Variants in WFDC10B observed in about 807,000 individuals in gnomAD.
WFDC10B encodes WAP four-disulfide core domain 10B, also known as protein WFDC10B.
WFDC10B carries 1 observed loss-of-function variant against 2.7 expected under a neutral mutation model. The ratio of observed to expected loss-of-function variants is 0.38; its 90% confidence interval spans 0.13 to 1.79. WFDC10B has a LOEUF of 1.79. WFDC10B is among the 40% of genes most tolerant of loss of function. The pLI is 0.33. For synonymous variants in WFDC10B, 26 were observed against 32.2 expected (o/e 0.81, Z 0.65); for missense variants, 71 against 87.8 (o/e 0.81, Z 0.76).
At chr20:45,703,655 G>A (rs1984266649) in intron 2 of WFDC10B, among the ~76,000 whole-genome samples, 1 of 152,118 alleles carries the variant, frequency 6.6e-6, no homozygotes, top group Admixed American at 6.5e-5. Context: ...TGTGGGTTGT[G>A]GACTTAGGGA....
At chr20:45,687,600 A>G (rs988801077) in intron 2 of WFDC10B, among the ~76,000 whole-genome samples, 5 of 152,178 alleles carry the variant, frequency 3.3e-5, no homozygotes, top group African/African-American at 9.7e-5. Flanking sequence ...GTCTTCCACA[A>G]TGGTTGAACT....
intron 2 of WFDC10B, chr20:45,702,191 G>A (rs1345813715): frequency 3.1e-6 from 5 of 1,612,710 alleles, no homozygotes; most frequent in East Asian, 2.2e-5. Context: ...GTGCCTGGGA[G>A]TCCCAAGCAG....
chr20:45,689,168 T>A (rs1352976547), intron 2 of WFDC10B, among the ~76,000 whole-genome samples: 10 of 149,728 alleles, frequency 6.7e-5, no homozygotes, highest in South Asian at 2.1e-4. Context: ...TGGCGTTATT[T>A]CTGAGGGCTC....
chr20:45,691,286 G>T (rs1375861899), intron 2 of WFDC10B, among the ~76,000 whole-genome samples: 1 of 152,114 alleles, frequency 6.6e-6, no homozygotes, highest in Non-Finnish European at 1.5e-5. Context: ...TAGGTGTGTT[G>T]TGGTGCTGAA....
chr20:45,689,572 G>A (rs1983740592), intron 2 of WFDC10B, among the ~76,000 whole-genome samples: 1 of 152,082 alleles, frequency 6.6e-6, no homozygotes, highest in African/African-American at 2.4e-5. Context: ...TTTTAAGTTG[G>A]ATTCCTAGGT....
intron 2 of WFDC10B, among the ~76,000 whole-genome samples, chr20:45,690,297 TTC>T (rs1418454367): frequency 4.0e-5 from 6 of 151,592 alleles, no homozygotes; most frequent in Non-Finnish European, 8.8e-5. Context: ...TGGTCTAAAA[TTC>T]TCTTTTTTGG....
At chr20:45,687,206 T>A (rs377607742) in intron 2 of WFDC10B, among the ~76,000 whole-genome samples, 3 of 152,136 alleles carry the variant, frequency 2.0e-5, no homozygotes, top group African/African-American at 7.2e-5. Context: ...TGTCCATGTA[T>A]TCTCATTGTT....
intron 2 of WFDC10B, among the ~76,000 whole-genome samples, chr20:45,687,084 T>C (rs904582766): frequency 7.9e-5 from 12 of 152,166 alleles, no homozygotes; most frequent in African/African-American, 2.9e-4. Flanking sequence ...CTGTGGGGGC[T>C]TGCTGCACCT....
chr20:45,692,768 T>C (rs1368619248), intron 2 of WFDC10B, among the ~76,000 whole-genome samples: 1 of 152,154 alleles, frequency 6.6e-6, no homozygotes, highest in Non-Finnish European at 1.5e-5. Flanking sequence ...TCTTTGCCTT[T>C]GGTTTGAATT....
chr20:45,699,833 C>G (rs949955324), intron 2 of WFDC10B, among the ~76,000 whole-genome samples: 1 of 152,172 alleles, frequency 6.6e-6, no homozygotes, highest in Non-Finnish European at 1.5e-5. Context: ...CATGTGCCAC[C>G]ACGCCCATCT....
intron 2 of WFDC10B, among the ~76,000 whole-genome samples, chr20:45,703,091 AG>A (rs1484914415): frequency 1.3e-5 from 2 of 152,202 alleles, no homozygotes; most frequent in Non-Finnish European, 2.9e-5. Context: ...AGGCACAAAG[AG>A]GCTTTCTAAA....
chr20:45,702,833 C>T (rs1984221677), intron 2 of WFDC10B, among the ~76,000 whole-genome samples: 1 of 152,210 alleles, frequency 6.6e-6, no homozygotes, highest in South Asian at 2.1e-4. Flanking sequence ...TTGACCTTAA[C>T]CAATACCAAG....
intron 2 of WFDC10B, among the ~76,000 whole-genome samples, chr20:45,689,915 G>A (rs1172756851): frequency 6.6e-6 from 1 of 151,930 alleles, no homozygotes; most frequent in Non-Finnish European, 1.5e-5. Context: ...TCCCTGTCTT[G>A]TGCCAGTTTT....
At chr20:45,690,150 T>C (rs575711739) in intron 2 of WFDC10B, among the ~76,000 whole-genome samples, 45 of 152,162 alleles carry the variant, frequency 3.0e-4, no homozygotes, top group Admixed American at 2.8e-3. Context: ...ATTTATTGAT[T>C]TGCGTATATT....
At chr20:45,691,930 C>T (rs528583543) in intron 2 of WFDC10B, among the ~76,000 whole-genome samples, 7 of 152,262 alleles carry the variant, frequency 4.6e-5, no homozygotes, top group African/African-American at 1.7e-4. Flanking sequence ...TCTTCTTAGT[C>T]TCCATGGTCT....
chr20:45,684,877 T>A lies in WFDC10B; in HGVS notation c.175A>T (p.Ile59Leu), dbSNP rs767694325. ...SYFQKCETNK[I>L]CCSAFCGNIC... is the part of the protein sequence containing the mutation. ...TTCCCACAGAAGGCTGAACAGCATA[T>A]CTTATTTGTTTCACACTTTTGGAAA... The change falls in exon 4 of 4, where the codon ATA becomes TTA. Residue 59 changes from isoleucine (I) to leucine (L), a missense_variant. Transcript: ENST00000330523. The A allele has an allele frequency of 3.1e-6, 5 of 1,614,000 alleles. No individual in the cohort carries two copies. In the Admixed American group the frequency reaches 8.3e-5, roughly 27 times the overall value.
intron 2 of WFDC10B, among the ~76,000 whole-genome samples, chr20:45,687,789 A>G (rs956007484): frequency 5.9e-5 from 9 of 151,778 alleles, no homozygotes; most frequent in African/African-American, 2.2e-4. Flanking sequence ...TCGGCTGCAT[A>G]TATGTCTTCT....
At chr20:45,685,051 G>A in intron 3 of WFDC10B, 91 bp from the exon 4 acceptor site, 1 of 1,544,676 alleles carries the variant, frequency 6.5e-7, no homozygotes, top group Middle Eastern at 1.8e-4. Flanking sequence ...CCAGAACCAA[G>A]GCACCCCTGC....
At chr20:45,692,659 C>T (rs1297556523) in intron 2 of WFDC10B, among the ~76,000 whole-genome samples, 1 of 152,172 alleles carries the variant, frequency 6.6e-6, no homozygotes, top group African/African-American at 2.4e-5. Context: ...ATGTAGTTCT[C>T]GAGCCTTGGC....
Sources: allele counts gnomAD v4.1 joint callset (sites outside exome capture counted in the v4.1 genomes callset), GRCh38; gene constraint gnomAD v4.1.1; transcripts MANE v1.5; gene names NCBI Gene and HGNC (gene_info 2026-07-23, HGNC 2026-07-21).